PALS2: variants seen among roughly 807,000 people sequenced by gnomAD.
PALS2 encodes the protein protein PALS2.
In PALS2, 27 loss-of-function variants were observed where a neutral mutation model predicts 61.6. The ratio of observed to expected loss-of-function variants is 0.44; its 90% CI spans 0.32 to 0.60. The LOEUF is 0.60. Among genes scored for constraint, PALS2 ranks in the 20% least tolerant of loss-of-function variants. PALS2 has a pLI of 0.05. For synonymous variants in PALS2, 236 were observed against 218.6 expected (o/e 1.08, Z -0.70); for missense variants, 554 against 639.4 (o/e 0.87, Z 1.44).
intron 1 of PALS2, among the ~76,000 whole-genome samples, chr7:24,585,563 T>A (rs1038032064): frequency 6.6e-6 from 1 of 152,174 alleles, no homozygotes; most frequent in Admixed American, 6.5e-5. Context: ...TATTTATAGT[T>A]TGTTTCCACC....
At chr7:24,614,952 C>G (rs758387601) in intron 1 of PALS2, among the ~76,000 whole-genome samples, 14 of 151,942 alleles carry the variant, frequency 9.2e-5, no homozygotes, top group Non-Finnish European at 2.1e-4. Flanking sequence ...AGTATCTTAT[C>G]TGACCACAAT....
intron 3 of PALS2, among the ~76,000 whole-genome samples, chr7:24,649,192 A>G (rs913944512): frequency 1.3e-5 from 2 of 152,032 alleles, no homozygotes; most frequent in African/African-American, 4.8e-5. Context: ...TAACATAGCA[A>G]TGTTAGGTAA....
Position 24,692,371 on chromosome 7 carries a change from T to A in PALS2, c.*4757T>A, listed in dbSNP as rs940680396. ...ATATTTCCCTTTATCATTACTATTC[T>A]ACTTGTTAAGTAAGGCTAAGTTAAT... On this transcript the variant is annotated 3_prime_UTR_variant, in exon 12 of 12. Coordinates refer to ENST00000222644, the MANE Select transcript of PALS2 (RefSeq NM_001303037.2). 1 of 152,244 alleles carries A rather than the reference T, an allele frequency of 6.6e-6. No individual in the cohort carries two copies. The highest frequency in any genetic ancestry group is 1.5e-5 in the Non-Finnish European group (1 of 68,024). 9.4% of individuals were successfully genotyped at this position (152,244 alleles called of 1,614,324 possible). A position where few individuals can be genotyped will look rare whatever the true frequency, so the allele number is the denominator to read the frequency against.
Position 24,649,782 on chromosome 7 carries a change from A to G in PALS2, c.423+18A>G, listed in dbSNP as rs755891892. 1 of 1,556,372 alleles carries G rather than the reference A, an allele frequency of 6.4e-7. No individual in the cohort carries two copies. Among genetic ancestry groups the G allele is most frequent in the Admixed American group, 1.9e-5 (1 of 51,630 alleles). ...AACCACTGGTGAGTACAGATAAATC[A>G]GTACCCTATTAAATCTGAAATATGA... On this transcript the variant is annotated intron_variant, in intron 4 of 11. Coordinates refer to ENST00000222644, the MANE Select transcript of PALS2 (RefSeq NM_001303037.2).
At chr7:24,679,424 G>T in intron 10 of PALS2, 91 bp downstream of exon 10, 1 of 1,338,634 alleles carries the variant, frequency 7.5e-7, no homozygotes, top group Admixed American at 2.1e-5. Flanking sequence ...GGGGTTGTTT[G>T]TTTTGTCAGG....
intron 8 of PALS2, among the ~76,000 whole-genome samples, chr7:24,666,575 CAGAAAGAAATATATTTAAAA>C (rs1484705340): frequency 6.6e-6 from 1 of 151,958 alleles, no homozygotes; most frequent in Non-Finnish European, 1.5e-5. Context: ...TTTAGTCATA[CAGAAAGAAATATATTTAAAA>C]AGAAAGAAAT....
chr7:24,676,994 C>T (rs1787646516), intron 9 of PALS2, among the ~76,000 whole-genome samples: 1 of 151,242 alleles, frequency 6.6e-6, no homozygotes, highest in Admixed American at 6.6e-5. Flanking sequence ...GATATTGATT[C>T]TTCCTACCCA....
chr7:24,603,785 A>T (rs1378442934), intron 1 of PALS2, among the ~76,000 whole-genome samples: 1 of 152,228 alleles, frequency 6.6e-6, no homozygotes, highest in African/African-American at 2.4e-5. Flanking sequence ...TCCTGACAGC[A>T]TACCTTGGAG....
intron 1 of PALS2, among the ~76,000 whole-genome samples, chr7:24,605,859 A>G (rs1783881158): frequency 6.6e-6 from 1 of 152,188 alleles, no homozygotes; most frequent in Non-Finnish European, 1.5e-5. Flanking sequence ...GGATTCCTAG[A>G]AGTTTCTATA....
intron 9 of PALS2, among the ~76,000 whole-genome samples, chr7:24,672,538 G>A (rs1227369394): frequency 6.6e-6 from 1 of 152,018 alleles, no homozygotes; most frequent in Non-Finnish European, 1.5e-5. Flanking sequence ...AATTCTTCCA[G>A]TCTATGAGCA....
intron 1 of PALS2, among the ~76,000 whole-genome samples, chr7:24,607,897 A>G (rs531377198): frequency 6.6e-6 from 1 of 152,266 alleles, no homozygotes; most frequent in South Asian, 2.1e-4. Flanking sequence ...ATAAAAATTG[A>G]TGTATTCAAT....
chr7:24,663,116 A>G (rs1437046394), intron 5 of PALS2, among the ~76,000 whole-genome samples: 2 of 152,224 alleles, frequency 1.3e-5, no homozygotes, highest in African/African-American at 2.4e-5. Flanking sequence ...GCTACCAAAT[A>G]TATTTCATAT....
intron 1 of PALS2, among the ~76,000 whole-genome samples, chr7:24,601,034 C>G (rs1018287884): frequency 3.9e-5 from 6 of 152,138 alleles, no homozygotes; most frequent in African/African-American, 1.4e-4. Flanking sequence ...CAGGAGGCTA[C>G]TACATCGAAC....
chr7:24,642,192 T>C (rs192480352), intron 3 of PALS2, among the ~76,000 whole-genome samples: 1 of 152,210 alleles, frequency 6.6e-6, no homozygotes, highest in African/African-American at 2.4e-5. Context: ...TGGATTTTTT[T>C]CTTCCTCATT....
intron 1 of PALS2, among the ~76,000 whole-genome samples, chr7:24,603,664 A>G (rs1006048705): frequency 2.6e-5 from 4 of 152,220 alleles, no homozygotes; most frequent in Non-Finnish European, 5.9e-5. Flanking sequence ...ATTGGCTCAA[A>G]TGGCTGTTGG....
intron 9 of PALS2, 96 bp downstream of exon 9, chr7:24,668,756 C>T (rs1276312370): frequency 1.4e-6 from 2 of 1,430,906 alleles, no homozygotes; most frequent in African/African-American, 1.4e-5. Context: ...ATTGTTATTC[C>T]CAAATAAGTT....
chr7:24,614,903 T>G (rs890047238), intron 1 of PALS2, among the ~76,000 whole-genome samples: 8 of 151,894 alleles, frequency 5.3e-5, no homozygotes, highest in African/African-American at 1.9e-4. Flanking sequence ...TGTTAGGGCA[T>G]ACAAGTCACA....
At position 24,691,442 on chromosome 7, in the gene PALS2, T is replaced by C. The variant is rs919828299; in HGVS notation, c.*3828T>C. 6.4e-5 allele frequency: 9 copies of C among 140,028 alleles called. No homozygotes were observed. In the South Asian group the frequency reaches 6.7e-4, roughly 10 times the overall value. 8.7% of individuals were successfully genotyped at this position (140,028 alleles called of 1,614,324 possible). A position where few individuals can be genotyped will look rare whatever the true frequency, so the allele number is the denominator to read the frequency against. ...ATATATATATATATATATATATATA[T>C]ATACAGCTATGTGTATAATATGTAA... is the stretch of plus-strand genomic sequence containing the variant. On this transcript the variant is annotated 3_prime_UTR_variant, in exon 12 of 12. Coordinates refer to ENST00000222644, the MANE Select transcript of PALS2 (RefSeq NM_001303037.2).
chr7:24,580,854 C>A (rs1188749513), intron 1 of PALS2, among the ~76,000 whole-genome samples: 4 of 152,100 alleles, frequency 2.6e-5, no homozygotes, highest in African/African-American at 9.7e-5. Flanking sequence ...ATAGATACCA[C>A]CATGTTTCAA....
Sources: allele counts gnomAD v4.1 joint callset (sites outside exome capture counted in the v4.1 genomes callset), GRCh38; gene constraint gnomAD v4.1.1; transcripts MANE v1.5; gene names NCBI Gene and HGNC (gene_info 2026-07-23, HGNC 2026-07-21).